The following ITGA9 variants were observed in gnomAD, a reference collection of about 807,000 sequenced individuals.
The protein encoded by ITGA9 is integrin alpha-9.
In ITGA9, 56 loss-of-function variants were observed where a neutral mutation model predicts 127.8. That is an observed-to-expected ratio of 0.44 (90% CI 0.35 to 0.55). The LOEUF (loss-of-function observed/expected upper bound fraction) is 0.55, where lower values mean the gene tolerates loss of function less well. Ranked by LOEUF, ITGA9 falls within the 20% of genes least tolerant of loss-of-function variation. ITGA9 has a pLI of 0.00. For missense variants in ITGA9, 1,196 were observed against 1,347.1 expected, an observed-to-expected ratio of 0.89 and a Z score of 1.76; for synonymous variants, 508 against 514.5, an observed-to-expected ratio of 0.99 and a Z score of 0.17.
At chr3:37,740,506 G>A (rs937276513) in intron 20 of ITGA9, among the ~76,000 whole-genome samples, 16 of 151,698 alleles carry the variant, frequency 1.1e-4, no homozygotes, top group Admixed American at 3.9e-4. Flanking sequence ...CTTCCTTCTC[G>A]CTCCCAAATC....
chr3:37,628,288 C>T (rs1359406321), intron 15 of ITGA9, among the ~76,000 whole-genome samples: 1 of 152,160 alleles, frequency 6.6e-6, no homozygotes. Flanking sequence ...AGCTCACTGT[C>T]TCAGAATGTG....
chr3:37,519,707 A>G (rs955701798), intron 11 of ITGA9, among the ~76,000 whole-genome samples: 3 of 152,234 alleles, frequency 2.0e-5, no homozygotes, highest in Non-Finnish European at 4.4e-5. Context: ...GTTTTAATAT[A>G]TAATCTAGAA....
intron 17 of ITGA9, among the ~76,000 whole-genome samples, chr3:37,678,170 T>A (rs575021059): frequency 6.6e-6 from 1 of 152,332 alleles, no homozygotes; most frequent in East Asian, 1.9e-4. Context: ...CTGCTTTCAG[T>A]TCATTGGGTA....
intron 16 of ITGA9, among the ~76,000 whole-genome samples, chr3:37,632,354 A>C (rs1700237205): frequency 1.3e-5 from 2 of 152,226 alleles, no homozygotes; most frequent in African/African-American, 4.8e-5. Context: ...ATATATTTGC[A>C]GCACCAAAAA....
At chr3:37,618,013 G>A (rs1430134745) in intron 15 of ITGA9, among the ~76,000 whole-genome samples, 2 of 152,198 alleles carry the variant, frequency 1.3e-5, no homozygotes, top group Non-Finnish European at 2.9e-5. Flanking sequence ...GAGGAGCTGC[G>A]TTCCTTTGGA....
chr3:37,726,828 T>C (rs538549735), intron 18 of ITGA9, among the ~76,000 whole-genome samples: 1 of 152,350 alleles, frequency 6.6e-6, no homozygotes, highest in African/African-American at 2.4e-5. Context: ...TACGCATAAA[T>C]CAAGTGTGCT....
chr3:37,614,599 A>G (rs1285521618), intron 15 of ITGA9, among the ~76,000 whole-genome samples: 2 of 152,044 alleles, frequency 1.3e-5, no homozygotes, highest in African/African-American at 4.8e-5. Context: ...ACCCATGAGC[A>G]TGGAATGTTC....
At chr3:37,803,963 T>TC in intron 27 of ITGA9, 21 bp downstream of exon 27, 1 of 1,613,760 alleles carries the variant, frequency 6.2e-7, no homozygotes, top group Non-Finnish European at 8.5e-7. Flanking sequence ...TGATTGCAGG[T>TC]CCCCCTGGGG....
intron 1 of ITGA9, among the ~76,000 whole-genome samples, chr3:37,459,886 A>G (rs1183516873): frequency 6.6e-6 from 1 of 152,180 alleles, no homozygotes; most frequent in Non-Finnish European, 1.5e-5. Flanking sequence ...ATGCTTATTC[A>G]TGACCCACTG....
At chr3:37,748,058 A>G in intron 22 of ITGA9, 1 of 380,674 alleles carries the variant, frequency 2.6e-6, no homozygotes, top group Non-Finnish European at 5.1e-6. Context: ...ATCACCCCCA[A>G]AAGAAATTTC....
intron 14 of ITGA9, 151 bp from the exon 15 acceptor site, chr3:37,542,274 T>C (rs1213721048): frequency 1.2e-6 from 1 of 818,364 alleles, no homozygotes; most frequent in Non-Finnish European, 2.1e-6. Flanking sequence ...TGCTGCTTTC[T>C]GAGCAAGTCT....
At chr3:37,709,062 G>T (rs1455099223) in intron 18 of ITGA9, among the ~76,000 whole-genome samples, 1 of 151,990 alleles carries the variant, frequency 6.6e-6, no homozygotes, top group African/African-American at 2.4e-5. Flanking sequence ...TTTTTTTAAT[G>T]CTGCCTCAAT....
intron 15 of ITGA9, among the ~76,000 whole-genome samples, chr3:37,620,424 T>A (rs767057201): frequency 6.6e-6 from 1 of 152,134 alleles, no homozygotes; most frequent in Admixed American, 6.5e-5. Context: ...GTGGTGATGG[T>A]GTTGTAGGGG....
At chr3:37,499,611 G>C (rs1168360304) in intron 5 of ITGA9, among the ~76,000 whole-genome samples, 1 of 152,276 alleles carries the variant, frequency 6.6e-6, no homozygotes, top group Non-Finnish European at 1.5e-5. Flanking sequence ...AAGGTCACAA[G>C]CATCATCCAT....
At chr3:37,728,989 G>C (rs1696251169) in intron 18 of ITGA9, among the ~76,000 whole-genome samples, 1 of 151,944 alleles carries the variant, frequency 6.6e-6, no homozygotes, top group South Asian at 2.1e-4. Context: ...TGAGGCAAAG[G>C]GGACATCCTT....
At chr3:37,729,398 C>G (rs1231241212) in intron 18 of ITGA9, among the ~76,000 whole-genome samples, 1 of 152,070 alleles carries the variant, frequency 6.6e-6, no homozygotes, top group Non-Finnish European at 1.5e-5. Flanking sequence ...CTTTGGTTTA[C>G]TCTTTTGGCC....
chr3:37,465,067 T>A (rs1483722162), intron 1 of ITGA9, among the ~76,000 whole-genome samples: 2 of 152,372 alleles, frequency 1.3e-5, no homozygotes, highest in Middle Eastern at 3.4e-3. Flanking sequence ...AAAGCAAACC[T>A]AATGGGTTTA....
intron 23 of ITGA9, among the ~76,000 whole-genome samples, chr3:37,759,460 A>G (rs2125542174): frequency 6.6e-6 from 1 of 152,348 alleles, no homozygotes; most frequent in South Asian, 2.1e-4. Context: ...AACTAAAATC[A>G]GTTTAAATAA....
At chr3:37,477,412 G>A (rs954004990) in intron 3 of ITGA9, among the ~76,000 whole-genome samples, 67 of 152,334 alleles carry the variant, frequency 4.4e-4, no homozygotes, top group African/African-American at 1.6e-3. Flanking sequence ...AAGGCATTAT[G>A]TGGACCATGG....
Sources: allele counts gnomAD v4.1 joint callset (sites outside exome capture counted in the v4.1 genomes callset), GRCh38; gene constraint gnomAD v4.1.1; transcripts MANE v1.5; gene names NCBI Gene and HGNC (gene_info 2026-07-23, HGNC 2026-07-21).